IGF2BP3: variants seen among roughly 807,000 people sequenced by gnomAD.
The protein encoded by IGF2BP3 is insulin like growth factor 2 mRNA binding protein 3.
Under a neutral mutation model 73.8 loss-of-function variants are expected in IGF2BP3, and 9 were observed. That is an observed-to-expected ratio of 0.12 (90% CI 0.07 to 0.21). IGF2BP3 has a LOEUF of 0.21. Ranked by LOEUF, IGF2BP3 falls within the 10% of genes least tolerant of loss-of-function variation. The pLI is 1.00. For missense variants in IGF2BP3, 542 were observed against 714.0 expected (o/e 0.76, Z 2.75); for synonymous variants, 258 against 256.7 (o/e 1.01, Z -0.05).
Position 23,403,485 on chromosome 7 carries a change from T to C in IGF2BP3, c.285+15291A>G, listed in dbSNP as rs10244574. ...ATTTTCTGTGAATTTCACTTCAGGATTGTAATTGGAACATTACATAGGAGG... is the reference window on the plus strand; with the variant it reads ...ATTTTCTGTGAATTTCACTTCAGGACTGTAATTGGAACATTACATAGGAGG... On this transcript the variant is annotated intron_variant, in intron 3 of 14. Transcript: ENST00000258729. Among the ~76,000 whole-genome samples the C allele has an allele frequency of 1.7e-3, 253 of 152,324 alleles. 2 individuals carry two copies. Among genetic ancestry groups the C allele is most frequent in the Non-Finnish European group, 1.1e-3 (73 of 68,022 alleles).
At chr7:23,386,444 A>C (rs1036759039) in intron 3 of IGF2BP3, among the ~76,000 whole-genome samples, 2 of 152,224 alleles carry the variant, frequency 1.3e-5, no homozygotes, top group African/African-American at 4.8e-5. Flanking sequence ...AAAAACCACC[A>C]CACACAGAAA....
intron 3 of IGF2BP3, chr7:23,394,801 T>C (rs1460530026): frequency 6.6e-6 from 1 of 152,204 alleles, no homozygotes; most frequent in Non-Finnish European, 1.5e-5. Flanking sequence ...AAAGAAAGGT[T>C]TGCTTGTTTA....
chr7:23,336,187 T>TAAA (rs59957630), intron 10 of IGF2BP3, among the ~76,000 whole-genome samples: 1 of 147,890 alleles, frequency 6.8e-6, no homozygotes, highest in South Asian at 2.1e-4. Context: ...TAGTATATAT[T>TAAA]AAAAAAAAAA....
At chr7:23,464,331 T>C (rs995280331) in intron 2 of IGF2BP3, among the ~76,000 whole-genome samples, 1 of 152,270 alleles carries the variant, frequency 6.6e-6, no homozygotes, top group Non-Finnish European at 1.5e-5. Context: ...TTCTTCACTT[T>C]CTTTTTTGCA....
chr7:23,335,568 C>A (rs1374830776), intron 10 of IGF2BP3, among the ~76,000 whole-genome samples: 1 of 152,036 alleles, frequency 6.6e-6, no homozygotes, highest in African/African-American at 2.4e-5. Context: ...TAAACCACCG[C>A]GCCTGGCCCT....
chr7:23,320,803 C>A (rs759221402), intron 10 of IGF2BP3, among the ~76,000 whole-genome samples: 15 of 151,592 alleles, frequency 9.9e-5, no homozygotes, highest in Non-Finnish European at 1.8e-4. Flanking sequence ...CAAAAATTAG[C>A]CAGGCATGGT....
At chr7:23,412,532 T>C (rs1787056779) in intron 3 of IGF2BP3, among the ~76,000 whole-genome samples, 1 of 152,190 alleles carries the variant, frequency 6.6e-6, no homozygotes, top group East Asian at 1.9e-4. Context: ...ATGAGTGATG[T>C]GGGGGCCCCA....
chr7:23,424,620 C>T (rs185163307), intron 2 of IGF2BP3, among the ~76,000 whole-genome samples: 5 of 150,944 alleles, frequency 3.3e-5, no homozygotes, highest in East Asian at 2.0e-4. Context: ...ATGATAGGCC[C>T]GGCAGGGTAG....
intron 10 of IGF2BP3, among the ~76,000 whole-genome samples, chr7:23,320,100 T>G (rs781256254): frequency 1.3e-5 from 2 of 150,686 alleles, no homozygotes; most frequent in Non-Finnish European, 3.0e-5. Flanking sequence ...TTTGTAGAGA[T>G]AGGGTTTCAC....
In IGF2BP3 at chr7:23,364,547, C is replaced by CAAAA. The variant is rs34795303; in HGVS notation, c.286-2810_286-2807dup. Among the ~76,000 whole-genome samples the CAAAA allele has an allele frequency of 1.6e-3, 65 of 40,350 alleles. 2 individuals carry two copies. The highest frequency in any genetic ancestry group is 6.1e-3 in the African/African-American group (61 of 10,034). The allele number at this position is 40,350 out of a possible 152,430, so 26.5% of individuals were successfully genotyped here. ...TGGGAAACAGAGCGAGACTTTGTGTCAAAAAAAAAAAAAAAAAAAAAAAAG... is the reference window on the plus strand; with the variant it reads ...TGGGAAACAGAGCGAGACTTTGTGTCAAAAAAAAAAAAAAAAAAAAAAAAAAAAG... On this transcript the variant is annotated intron_variant, in intron 3 of 14. Coordinates refer to ENST00000258729, the MANE Select transcript of IGF2BP3 (RefSeq NM_006547.3).
At chr7:23,412,842 C>CTTTTTTTTTTTTTTT (rs557467066) in intron 3 of IGF2BP3, among the ~76,000 whole-genome samples, 3 of 37,014 alleles carry the variant, frequency 8.1e-5, no homozygotes, top group African/African-American at 1.1e-4. Flanking sequence ...AGACTCTGGC[C>CTTTTTTTTTTTTTTT]TTTTTTTTTT....
intron 2 of IGF2BP3, among the ~76,000 whole-genome samples, chr7:23,430,228 C>T (rs1787635213): frequency 6.6e-6 from 1 of 152,046 alleles, no homozygotes; most frequent in Non-Finnish European, 1.5e-5. Flanking sequence ...GGATTACAGG[C>T]GCGCGCCACC....
In IGF2BP3 at chr7:23,351,316, C is replaced by T; in HGVS notation, c.672G>A (p.Gln224=). The stretch of plus-strand genomic sequence containing the variant: ...CTCAGCATACTCACTTAGACTGGGT[C>T]TGTTTGGTGATGTTCCGAATGGTGG... ...EGATIRNITK[Q]TQSKIDVHRK... Residue 224 remains glutamine, a synonymous_variant, in exon 6 of 15, where the codon CAG becomes CAA. Coordinates refer to ENST00000258729, the MANE Select transcript of IGF2BP3 (RefSeq NM_006547.3). The T allele has an allele frequency of 3.7e-6, 6 of 1,613,842 alleles. No homozygotes were observed. Among genetic ancestry groups the T allele is most frequent in the Non-Finnish European group, 5.1e-6 (6 of 1,179,850 alleles).
chr7:23,367,509 G>T (rs1785413330), intron 3 of IGF2BP3, among the ~76,000 whole-genome samples: 1 of 149,752 alleles, frequency 6.7e-6, no homozygotes, highest in African/African-American at 2.5e-5. Flanking sequence ...ACTTTCACAA[G>T]TTCCCATACC....
rs547562949 is a variant in IGF2BP3 at position 23,344,138 on chromosome 7, C to T, written c.942-285G>A. Among the ~76,000 whole-genome samples, 28 of 152,238 alleles carry T rather than the reference C, an allele frequency of 1.8e-4. 1 individual carries two copies. Among genetic ancestry groups the T allele is most frequent in the African/African-American group, 6.0e-4 (25 of 41,534 alleles). ...TTTTAAATAAAGCTTACTTCTCAAC[C>T]GCTTAAAGTTGAACCATTTTCACAA... On this transcript the variant is annotated intron_variant, in intron 8 of 14. Transcript: ENST00000258729.
chr7:23,461,526 C>T (rs1283710146), intron 2 of IGF2BP3, among the ~76,000 whole-genome samples: 2 of 152,208 alleles, frequency 1.3e-5, no homozygotes, highest in East Asian at 3.8e-4. Flanking sequence ...ATGGCACCAT[C>T]TTCCACCCAG....
chr7:23,329,881 A>T (rs1357114170), intron 10 of IGF2BP3, among the ~76,000 whole-genome samples: 1 of 152,216 alleles, frequency 6.6e-6, no homozygotes, highest in Non-Finnish European at 1.5e-5. Flanking sequence ...TATTTGCCTG[A>T]AGTCACACAC....
rs76291734 is a variant in IGF2BP3, at chr7:23,318,821, G to A, written c.1320+317C>T. ...CTGGGCAACAGACCTGATTCCTGGAGCACTGAATGGTGTCAATCTGGAACC... is the reference window on the plus strand; with the variant it reads ...CTGGGCAACAGACCTGATTCCTGGAACACTGAATGGTGTCAATCTGGAACC... On this transcript the variant is annotated intron_variant, in intron 11 of 14. Coordinates refer to ENST00000258729, the MANE Select transcript of IGF2BP3 (RefSeq NM_006547.3). Among the ~76,000 whole-genome samples the A allele has an allele frequency of 5.0e-3, 758 of 152,262 alleles. 1 individual carries two copies. Among genetic ancestry groups the A allele is most frequent in the Middle Eastern group, 0.027 (8 of 294 alleles).
intron 10 of IGF2BP3, among the ~76,000 whole-genome samples, chr7:23,332,957 G>T: frequency 6.6e-6 from 1 of 152,168 alleles, no homozygotes; most frequent in East Asian, 1.9e-4. Flanking sequence ...GGAAGCTGGT[G>T]GTGATAAAGA....
Sources: allele counts gnomAD v4.1 joint callset (sites outside exome capture counted in the v4.1 genomes callset), GRCh38; gene constraint gnomAD v4.1.1; transcripts MANE v1.5; gene names NCBI Gene and HGNC (gene_info 2026-07-23, HGNC 2026-07-21).